The following ANO7 variants were observed in gnomAD, a reference collection of about 807,000 sequenced individuals.
ANO7 encodes anoctamin 7.
Under a neutral mutation model 115.8 loss-of-function variants are expected in ANO7, and 114 were observed. The observed-to-expected ratio is 0.98, with a 90% confidence interval of 0.85 to 1.15. The LOEUF (loss-of-function observed/expected upper bound fraction) is 1.15. Ranked by LOEUF, ANO7 falls within the 50% of genes most tolerant of loss-of-function variation. The pLI, the probability that ANO7 is intolerant of heterozygous loss-of-function variation, is 0.00. For synonymous variants in ANO7, 550 were observed against 498.2 expected, an observed-to-expected ratio of 1.10 and a Z score of -1.38; for missense variants, 1,302 against 1,201.2, an observed-to-expected ratio of 1.08 and a Z score of -1.24.
chr2:241,217,844 T>C lies in ANO7; in HGVS notation c.2131T>C (p.Trp711Arg). ...CGAGCGCGCCCAGGACATCGGCATC[T>C]GGTTCCACATCCTGGCGGGCCTCAC... ...VAERAQDIGI[W>R]FHILAGLTHL... is the part of the protein sequence containing the mutation. Residue 711 changes from tryptophan (W) to arginine (R), a missense_variant, in exon 20 of 25, where the codon TGG (tryptophan) becomes CGG (arginine). Transcript: ENST00000674324. The C allele has an allele frequency of 6.2e-7, 1 of 1,606,728 alleles. No homozygotes were observed. Among genetic ancestry groups the C allele is most frequent in the East Asian group, 2.2e-5 (1 of 44,644 alleles).
chr2:241,238,838 T>G, the ANO7 span: 10 of 1,454,224 alleles, frequency 6.9e-6, no homozygotes, highest in Non-Finnish European at 8.3e-6. The surrounding 1 kb of genome is among the most constrained non-coding windows in gnomAD (Gnocchi z 4.9). Flanking sequence ...TTAAATTCCT[T>G]AGGGCAAGTT....
rs565483699 is a variant in ANO7 at position 241,194,820 on chromosome 2, A to G, written c.167-883A>G. Among the ~76,000 whole-genome samples, 3 of 152,354 alleles carry G rather than the reference A, an allele frequency of 2.0e-5. No homozygotes were observed. The East Asian group carries it at 5.8e-4, about 29-fold the overall frequency. On this transcript the variant is annotated intron_variant, in intron 3 of 24. Coordinates refer to ENST00000674324, the MANE Select transcript of ANO7 (RefSeq NM_001370694.2). ...GTATGTATAGGGAAAGACAGTATAT[A>G]TAGGTTTGTTACTCTGCACAGTTTC...
At chr2:241,229,390 T>C (rs2069444994), downstream of ANO7, 2 of 512,818 alleles carry the variant, frequency 3.9e-6, no homozygotes, top group African/African-American at 3.9e-5. Context: ...GGTTTAGTGT[T>C]AAACAGTGGA....
chr2:241,226,487 C>CGG (rs2069175594), downstream of ANO7, among the ~76,000 whole-genome samples: 6 of 151,350 alleles, frequency 4.0e-5, no homozygotes, highest in Non-Finnish European at 7.4e-5. Flanking sequence ...TGCAGTGGTA[C>CGG]GATCTCGGCT....
intron 19 of ANO7, among the ~76,000 whole-genome samples, chr2:241,216,477 G>A (rs967188983): frequency 1.3e-5 from 2 of 152,230 alleles, no homozygotes; most frequent in African/African-American, 4.8e-5. Flanking sequence ...CGGGGAGGAG[G>A]CCCCCGCGGC....
Position 241,203,619 on chromosome 2 carries a change from C to A in ANO7, c.889+121C>A. On this transcript the variant is annotated intron_variant, in intron 9 of 24. Coordinates refer to ENST00000674324, the MANE Select transcript of ANO7 (RefSeq NM_001370694.2). The surrounding 1 kb of genome is among the most constrained non-coding windows in gnomAD (Gnocchi z 4.8). ...TGCGTGGGGGCCTGGACGGTGGGCG[C>A]AGCTCTTGGCTCGACCGGGCTGCCC... 1.4e-6 allele frequency: 1 copy of A among 703,008 alleles called. No individual in the cohort carries two copies. Among genetic ancestry groups the A allele is most frequent in the Non-Finnish European group, 2.2e-6 (1 of 454,366 alleles). The allele number at this position is 703,008 out of a possible 1,614,324, so 43.5% of individuals were successfully genotyped here. A position where few individuals can be genotyped will look rare whatever the true frequency, so the allele number is the denominator to read the frequency against.
chr2:241,237,913 G>A, the ANO7 span, among the ~76,000 whole-genome samples: 1 of 152,174 alleles, frequency 6.6e-6, no homozygotes, highest in South Asian at 2.1e-4. Flanking sequence ...GAAAACAAAG[G>A]GGCTTGAATG....
chr2:241,217,553 A>T, intron 19 of ANO7, 133 bp from the exon 20 acceptor site: 2 of 1,033,390 alleles, frequency 1.9e-6, no homozygotes, highest in Non-Finnish European at 2.8e-6. Context: ...GAGGGAGACC[A>T]GGAGGTGGGG....
chr2:241,238,929 G>C, the ANO7 span: 1 of 623,368 alleles, frequency 1.6e-6, no homozygotes, highest in African/African-American at 1.9e-5. The surrounding 1 kb of genome is among the most constrained non-coding windows in gnomAD (Gnocchi z 4.9). Flanking sequence ...CGAGTCCAGG[G>C]CTCCAGGCGC....
At chr2:241,210,442 G>T (rs374576169) in intron 14 of ANO7, 26 bp from the exon 15 acceptor site, 2 of 1,613,730 alleles carry the variant, frequency 1.2e-6, no homozygotes, top group African/African-American at 2.7e-5. Flanking sequence ...CCCCTCATCC[G>T]GCTCTGACGG....
At chr2:241,198,992 G>T in intron 4 of ANO7, 1 of 355,196 alleles carries the variant, frequency 2.8e-6, no homozygotes, top group South Asian at 3.0e-5. Flanking sequence ...CAGGAGGCAG[G>T]CGTGTGTCAG....
chr2:241,189,348 A>G (rs147724375), intron 1 of ANO7, among the ~76,000 whole-genome samples: 4 of 152,232 alleles, frequency 2.6e-5, no homozygotes, highest in Admixed American at 6.5e-5. Context: ...CGGCGCCTCC[A>G]TGGTCACACC....
chr2:241,232,814 C>T, the ANO7 span, among the ~76,000 whole-genome samples: 2 of 151,712 alleles, frequency 1.3e-5, no homozygotes, highest in African/African-American at 4.8e-5. Flanking sequence ...GACTATCTCT[C>T]TCAAAAAAAA....
At chr2:241,226,574 G>A (rs533091112), downstream of ANO7, among the ~76,000 whole-genome samples, 605 of 152,084 alleles carry the variant, frequency 4.0e-3, 4 homozygotes, top group African/African-American at 0.014. Flanking sequence ...ACAGGCGCCC[G>A]CCACCACACC....
the ANO7 span, among the ~76,000 whole-genome samples, chr2:241,232,360 C>T: frequency 6.6e-6 from 1 of 151,946 alleles, no homozygotes; most frequent in Non-Finnish European, 1.5e-5. Flanking sequence ...ACTGCAGCCT[C>T]CGCCTCCTGC....
intron 4 of ANO7, 88 bp downstream of exon 4, chr2:241,195,933 T>C (rs2068317154): frequency 6.2e-7 from 1 of 1,611,698 alleles, no homozygotes; most frequent in South Asian, 1.1e-5. Flanking sequence ...GAGGGCATGG[T>C]GTCCAGAGTC....
At chr2:241,237,864 GT>G in the ANO7 span, among the ~76,000 whole-genome samples, 20 of 152,322 alleles carry the variant, frequency 1.3e-4, no homozygotes, top group African/African-American at 4.8e-4. Flanking sequence ...TGCAGTATGA[GT>G]TTATTAGTTT....
intron 5 of ANO7, among the ~76,000 whole-genome samples, chr2:241,199,659 G>A (rs1246077316): frequency 6.6e-6 from 1 of 152,204 alleles, no homozygotes; most frequent in Non-Finnish European, 1.5e-5. Context: ...CGTGTGCACT[G>A]AGCTGGCCCC....
At chr2:241,227,036 C>T (rs1411518301), downstream of ANO7, among the ~76,000 whole-genome samples, 2 of 152,188 alleles carry the variant, frequency 1.3e-5, no homozygotes, top group African/African-American at 4.8e-5. Context: ...GGTTGTCCAC[C>T]CTCAATGAGG....
Sources: allele counts gnomAD v4.1 joint callset (sites outside exome capture counted in the v4.1 genomes callset), GRCh38; gene constraint gnomAD v4.1.1; non-coding constraint Gnocchi (gnomAD v3.1); transcripts MANE v1.5; gene names NCBI Gene and HGNC (gene_info 2026-07-23, HGNC 2026-07-21).